Variants in CHTF18 observed in about 807,000 individuals in gnomAD.
CHTF18 encodes chromosome transmission fidelity protein 18 homolog.
Under a neutral mutation model 113.4 loss-of-function variants are expected in CHTF18, and 151 were observed. The ratio of observed to expected loss-of-function variants is 1.33; its 90% CI spans 1.17 to 1.52. The LOEUF is 1.52. CHTF18 is among the 40% of genes most tolerant of loss of function. CHTF18 has a pLI of 0.00. For missense variants in CHTF18, 1,982 were observed against 1,381.6 expected (o/e 1.43, Z -6.89); for synonymous variants, 916 against 598.8 (o/e 1.53, Z -7.74).
At chr16:791,721 T>C (rs2042201412) in intron 8 of CHTF18, 130 bp from the exon 9 acceptor site, 2 of 1,444,914 alleles carry the variant, frequency 1.4e-6, no homozygotes, top group South Asian at 2.9e-5. Flanking sequence ...AATTTTGTTC[T>C]TATTTGATGG....
chr16:796,916 C>CTGTG, intron 19 of CHTF18, 45 bp from the exon 20 acceptor site: 1 of 1,541,862 alleles, frequency 6.5e-7, no homozygotes, highest in Non-Finnish European at 8.8e-7. Flanking sequence ...ACCATCCCCA[C>CTGTG]TGTATCCCTG....
In CHTF18 at chr16:797,926, G is replaced by T. The variant is rs367812480; in HGVS notation, c.2879G>T (p.Gly960Val). ...RSEVWFRFNE[G>V]VSNAVRRSLY... ...GAGGTCTGGTTCCGCTTCAACGAGGGTGTCTCCAACGCCGTGCGGCGCAGC... is the reference window on the plus strand; with the variant it reads ...GAGGTCTGGTTCCGCTTCAACGAGGTTGTCTCCAACGCCGTGCGGCGCAGC... Residue 960 changes from glycine to valine, a missense_variant, in exon 22 of 22, where the codon GGT becomes GTT. Physicochemically the swap from Gly to Val is moderately radical, Grantham distance 109. Transcript: ENST00000262315. 2 of 1,612,400 alleles carry T rather than the reference G, an allele frequency of 1.2e-6. No homozygotes were observed. The highest frequency in any genetic ancestry group is 1.7e-5 in the Admixed American group (1 of 59,968).
At position 790,669 on chromosome 16, in the gene CHTF18, G is replaced by C; in HGVS notation, c.894+3G>C. ...ACACGGAGCTGCTCAGTGATGACGT[G>C]AGGTCTTGTTCTCACTCAAGTGTGG... On this transcript the variant is annotated splice_donor_region_variant and intron_variant, in intron 7 of 21. Coordinates refer to ENST00000262315, the MANE Select transcript of CHTF18 (RefSeq NM_022092.3). 1 of 1,552,264 alleles carries C rather than the reference G, an allele frequency of 6.4e-7. No individual in the cohort carries two copies. Among genetic ancestry groups the C allele is most frequent in the Non-Finnish European group, 8.6e-7 (1 of 1,157,956 alleles).
At chr16:795,532 T>C (rs1463597831) in intron 16 of CHTF18, among the ~76,000 whole-genome samples, 153 bp from the exon 17 acceptor site, 68 of 25,704 alleles carry the variant, frequency 2.6e-3, no homozygotes, top group Admixed American at 6.0e-3. Flanking sequence ...CCCGGCCCCG[T>C]GCCCGCCCCC....
rs554278879 is a variant in CHTF18, at chr16:792,157, C to T, written c.1203-67C>T. 66 of 1,530,758 alleles carry T rather than the reference C, an allele frequency of 4.3e-5. No individual in the cohort carries two copies. In the East Asian group the frequency reaches 8.8e-4, roughly 21 times the overall value. The allele number at this position is 1,530,758 out of a possible 1,614,324, so 94.8% of individuals were successfully genotyped here. A position where few individuals can be genotyped will look rare whatever the true frequency, so the allele number is the denominator to read the frequency against. On this transcript the variant is annotated intron_variant, in intron 9 of 21. Transcript: ENST00000262315. ...GGTCTCCACGCAAATGCGGCAGCCC[C>T]GGCCTTGGGAGGCTGCCCTGCCAGG...
Position 789,071 on chromosome 16 carries a change from G to T in CHTF18, c.232G>T (p.Ala78Ser). The T allele has an allele frequency of 6.5e-7, 1 of 1,536,178 alleles. No individual in the cohort carries two copies. The highest frequency in any genetic ancestry group is 8.8e-7 in the Non-Finnish European group (1 of 1,140,014). Residue 78 changes from alanine to serine, a missense_variant, in exon 2 of 22, where the codon GCC becomes TCC. Ala to Ser is a moderately conservative substitution (Grantham distance 99, BLOSUM62 1). Transcript: ENST00000262315. ...AASVGSSQGG[A>S]RKRQVDADLQ... The stretch of plus-strand genomic sequence containing the variant: ...ATCTGTGGGCAGCAGCCAGGGCGGC[G>T]CCAGGAAGAGGCAGGTGGACGCCGA...
intron 15 of CHTF18, among the ~76,000 whole-genome samples, chr16:794,406 G>T (rs1384141801): frequency 1.3e-5 from 2 of 152,172 alleles, no homozygotes; most frequent in Non-Finnish European, 2.9e-5. Flanking sequence ...GCACGGGCCG[G>T]CAGGCAAGGA....
At chr16:789,496 A>G (rs2151640004) in intron 3 of CHTF18, 51 bp from the exon 4 acceptor site, 4 of 1,556,522 alleles carry the variant, frequency 2.6e-6, no homozygotes, top group East Asian at 2.3e-5. Flanking sequence ...CCCATATCCA[A>G]GGGTGACCCC....
At chr16:792,922 G>A (rs1451905679) in intron 12 of CHTF18, 44 bp from the exon 13 acceptor site, 5 of 1,542,356 alleles carry the variant, frequency 3.2e-6, no homozygotes, top group Non-Finnish European at 4.4e-6. Flanking sequence ...CCCCTGAAAG[G>A]ATGGGGCATA....
rs769491653 is a variant in CHTF18, at chr16:792,186, G to A, written c.1203-38G>A. ...CTTGGGAGGCTGCCCTGCCAGGGAC[G>A]CCCACTGCCCTGACGACCCCTGACC... is the stretch of plus-strand genomic sequence containing the variant. On this transcript the variant is annotated intron_variant, in intron 9 of 21. Coordinates refer to ENST00000262315, the MANE Select transcript of CHTF18 (RefSeq NM_022092.3). 8.4e-6 allele frequency: 13 copies of A among 1,547,324 alleles called. No homozygotes were observed. The African/African-American group carries it at 1.4e-4, about 16-fold the overall frequency.
At position 795,785 on chromosome 16, in the gene CHTF18, TC is replaced by T. The variant is rs1876960404; in HGVS notation, c.2277del (p.Asp760MetfsTer17). ...CGGGCCACGCCCCAGGCCCTGCTCC[TC>T]GATGCCCTCTGCCTGCTCCTGGACA... ...RSRATPQALL[L>X]DALCLLLDIL... On this transcript the variant is annotated frameshift_variant, in exon 17 of 22. Transcript: ENST00000262315. LOFTEE classifies it high-confidence loss of function. The T allele has an allele frequency of 6.2e-7, 1 of 1,609,656 alleles. No homozygotes were observed.
In CHTF18 at chr16:791,271, C is replaced by T; in HGVS notation, c.1005C>T (p.Ser335=). ...CCAGTGTTGAGCCGGCCCGGGTCAGCAAGGAGGCCACAGCCCCAGGCAAGT... is the reference window on the plus strand; with the variant it reads ...CCAGTGTTGAGCCGGCCCGGGTCAGTAAGGAGGCCACAGCCCCAGGCAAGT... ...PRPSVEPARV[S]KEATAPGKWK... The change falls in exon 8 of 22, where the codon AGC becomes AGT. Residue 335 remains serine, a synonymous_variant. Coordinates refer to ENST00000262315, the MANE Select transcript of CHTF18 (RefSeq NM_022092.3). 1.9e-6 allele frequency: 3 copies of T among 1,610,762 alleles called. No homozygotes were observed. The highest frequency in any genetic ancestry group is 1.7e-6 in the Non-Finnish European group (2 of 1,179,420).
In CHTF18 at chr16:790,601, T is replaced by A. The variant is rs1471602577; in HGVS notation, c.829T>A (p.Ser277Thr). 6.3e-7 allele frequency: 1 copy of A among 1,596,748 alleles called. No individual in the cohort carries two copies. The highest frequency in any genetic ancestry group is 8.5e-7 in the Non-Finnish European group (1 of 1,173,054). Residue 277 changes from serine to threonine, a missense_variant, in exon 7 of 22, where the codon TCC becomes ACC. Ser to Thr is a moderately conservative substitution (Grantham distance 58). Transcript: ENST00000262315. ...EEEPTDGQDA[S>T]SHCLWVDEFA... ...GGAGCCGACTGACGGTCAAGACGCCTCCAGTCACTGCCTCTGGGTGGATGA... is the reference window on the plus strand; with the variant it reads ...GGAGCCGACTGACGGTCAAGACGCCACCAGTCACTGCCTCTGGGTGGATGA...
rs899553988 is a variant in CHTF18, at chr16:796,483, C to T, written c.2457-234C>T. 17 of 589,578 alleles carry T rather than the reference C, an allele frequency of 2.9e-5. No individual in the cohort carries two copies. The East Asian group carries it at 4.4e-4, about 15-fold the overall frequency. 36.5% of individuals were successfully genotyped at this position (589,578 alleles called of 1,614,324 possible). On this transcript the variant is annotated intron_variant, in intron 18 of 21. Coordinates refer to ENST00000262315, the MANE Select transcript of CHTF18 (RefSeq NM_022092.3). Reference sequence around the variant, plus strand: ...CAGGACGCTGAGTCACTCTCCGTGGCAGCCATCGGCAGGTTTCATCATCAT... The same window carrying T: ...CAGGACGCTGAGTCACTCTCCGTGGTAGCCATCGGCAGGTTTCATCATCAT...
chr16:790,929 A>G (rs1411350088), intron 7 of CHTF18: 7 of 1,432,632 alleles, frequency 4.9e-6, no homozygotes, highest in Non-Finnish European at 6.4e-6. Context: ...AGCAGCTGAC[A>G]CTGGAGTGCC....
At position 797,027 on chromosome 16, in the gene CHTF18, C is replaced by A; in HGVS notation, c.2668C>A (p.Pro890Thr). The A allele has an allele frequency of 1.3e-6, 2 of 1,560,038 alleles. No homozygotes were observed. Among genetic ancestry groups the A allele is most frequent in the South Asian group, 2.4e-5 (2 of 83,104 alleles). ...CATTGGGGAGAAAGGGGTGCACCGACCTGCCCCACGCAACCATGAGCAGCG... is the reference window on the plus strand; with the variant it reads ...CATTGGGGAGAAAGGGGTGCACCGAACTGCCCCACGCAACCATGAGCAGCG... Reference protein sequence around the residue: ...GGIGEKGVHRPAPRNHEQRLE... With the variant: ...GGIGEKGVHRTAPRNHEQRLE... The change falls in exon 20 of 22, where the codon CCT (proline) becomes ACT (threonine). Residue 890 changes from proline to threonine, a missense_variant. Physicochemically the swap from Pro to Thr is conservative, Grantham distance 38 (BLOSUM62 -1). Coordinates refer to ENST00000262315, the MANE Select transcript of CHTF18 (RefSeq NM_022092.3).
chr16:791,564 G>A lies in CHTF18; in HGVS notation c.1104+194G>A, dbSNP rs891534882. The A allele has an allele frequency of 4.2e-6, 6 of 1,434,142 alleles. No homozygotes were observed. The African/African-American group carries it at 7.2e-5, about 17-fold the overall frequency. The allele number at this position is 1,434,142 out of a possible 1,614,324, so 88.8% of individuals were successfully genotyped here. A position where few individuals can be genotyped will look rare whatever the true frequency, so the allele number is the denominator to read the frequency against. On this transcript the variant is annotated intron_variant, in intron 8 of 21. Transcript: ENST00000262315. Reference sequence around the variant, plus strand: ...TCGGGGGAAGTCGTTGTCCCTGAAGGGCTCTGCGGCTGGCCAGGATGATCT... The same window carrying A: ...TCGGGGGAAGTCGTTGTCCCTGAAGAGCTCTGCGGCTGGCCAGGATGATCT...
Position 792,343 on chromosome 16 carries a change from C to T in CHTF18, c.1322C>T (p.Pro441Leu). 6.4e-7 allele frequency: 1 copy of T among 1,554,550 alleles called. No individual in the cohort carries two copies. The highest frequency in any genetic ancestry group is 1.9e-5 in the Admixed American group (1 of 51,374). ...GTCATCGATGAGATCGACGGGGCCC[C>T]CGTGGTGGGCTCCTTGATGCCTGGG... ...CLVIDEIDGA[P>L]VAAINVLLSI... is the part of the protein sequence containing the mutation. Residue 441 changes from proline (P) to leucine (L), a missense_variant, in exon 10 of 22, where the codon CCC (proline) becomes CTC (leucine). Transcript: ENST00000262315.
chr16:793,402 C>T (rs1360733649), intron 14 of CHTF18, 128 bp downstream of exon 14: 2 of 1,226,310 alleles, frequency 1.6e-6, no homozygotes, highest in East Asian at 5.1e-5. Flanking sequence ...GTTGCCTGGT[C>T]CAGCCTCCAG....
Sources: gnomAD v4.1 joint callset for allele counts (sites outside exome capture counted in the v4.1 genomes callset) on GRCh38, gnomAD v4.1.1 for gene constraint, MANE v1.5 for transcripts, NCBI Gene and HGNC (gene_info 2026-07-23, HGNC 2026-07-21) for gene names.